The following PALM2AKAP2 variants were observed in gnomAD, a reference collection of about 807,000 sequenced individuals.
PALM2AKAP2 encodes the protein PALM2 and AKAP2 fusion, also known as PALM2-AKAP2 fusion protein.
In PALM2AKAP2, 37 loss-of-function variants were observed where a neutral mutation model predicts 71.5. The ratio of observed to expected loss-of-function variants is 0.52; its 90% CI spans 0.40 to 0.68. PALM2AKAP2 has a LOEUF of 0.68. PALM2AKAP2 is among the 30% of genes least tolerant of loss of function. The probability of loss-of-function intolerance (pLI) is 0.00; values close to 1 mark genes in which losing one functional copy is unlikely to be tolerated. For missense variants in PALM2AKAP2, 1,224 were observed against 1,191.8 expected, an observed-to-expected ratio of 1.03 and a Z score of -0.40; for synonymous variants, 468 against 478.8, an observed-to-expected ratio of 0.98 and a Z score of 0.29.
intron 6 of PALM2AKAP2, among the ~76,000 whole-genome samples, chr9:110,002,073 G>T (rs1832691672): frequency 6.6e-6 from 1 of 152,196 alleles, no homozygotes; most frequent in African/African-American, 2.4e-5. Flanking sequence ...TGATGAGAGA[G>T]GGCATCCCTG....
chr9:110,098,153 A>G (rs1588108170), intron 1 of PALM2AKAP2, among the ~76,000 whole-genome samples: 1 of 122,406 alleles, frequency 8.2e-6, no homozygotes, highest in African/African-American at 4.0e-5. Flanking sequence ...AGACAGTGGA[A>G]AGAGGGGAGA....
intron 3 of PALM2AKAP2, among the ~76,000 whole-genome samples, chr9:109,880,904 GT>G (rs991251788): frequency 1.3e-5 from 2 of 152,102 alleles, no homozygotes; most frequent in Admixed American, 6.6e-5. Context: ...TTTATTTTAA[GT>G]TTAGGGGTAC....
intron 1 of PALM2AKAP2, among the ~76,000 whole-genome samples, chr9:109,762,852 A>C (rs1829079565): frequency 6.6e-6 from 1 of 152,122 alleles, no homozygotes. Context: ...CCTCCTTCCC[A>C]TTCCCCAGGG....
intron 6 of PALM2AKAP2, among the ~76,000 whole-genome samples, chr9:109,941,151 T>C (rs980899372): frequency 3.9e-4 from 58 of 148,238 alleles, no homozygotes; most frequent in South Asian, 1.9e-3. Flanking sequence ...TCTTCTTTTT[T>C]TTTTTTTTTT....
At chr9:109,820,737 G>C (rs2131488101) in intron 1 of PALM2AKAP2, among the ~76,000 whole-genome samples, 1 of 152,308 alleles carries the variant, frequency 6.6e-6, no homozygotes, top group South Asian at 2.1e-4. Flanking sequence ...AGAATCCATG[G>C]GTTGACTGGA....
chr9:110,101,391 TA>T (rs985026234), intron 1 of PALM2AKAP2, among the ~76,000 whole-genome samples: 44 of 143,284 alleles, frequency 3.1e-4, no homozygotes, highest in African/African-American at 1.2e-3. Flanking sequence ...TGCTGGGAGT[TA>T]ATCTCTCTCC....
chr9:109,932,744 C>T lies in PALM2AKAP2; in HGVS notation c.496+716C>T, dbSNP rs866203032. ...CCCTTATGATCTACACAGAAATGTGCTGAGGGCTGGGGGTTAAATGGAAAA... is the reference window on the plus strand; with the variant it reads ...CCCTTATGATCTACACAGAAATGTGTTGAGGGCTGGGGGTTAAATGGAAAA... On this transcript the variant is annotated intron_variant, in intron 6 of 9. Transcript: ENST00000302798. Among the ~76,000 whole-genome samples, 4 of 152,314 alleles carry T rather than the reference C, an allele frequency of 2.6e-5. No individual in the cohort carries two copies. The Middle Eastern group carries it at 0.01, about 389-fold the overall frequency.
At chr9:109,693,530 G>A (rs1827927591) in intron 1 of PALM2AKAP2, among the ~76,000 whole-genome samples, 1 of 151,762 alleles carries the variant, frequency 6.6e-6, no homozygotes, top group Non-Finnish European at 1.5e-5. Context: ...GTCCCGTAAG[G>A]TGGAAGATTA....
chr9:109,988,066 A>C (rs961805956), intron 6 of PALM2AKAP2, among the ~76,000 whole-genome samples: 1 of 152,208 alleles, frequency 6.6e-6, no homozygotes, highest in African/African-American at 2.4e-5. Flanking sequence ...TTTCTGCTAC[A>C]TGTCCTTTGA....
intron 1 of PALM2AKAP2, among the ~76,000 whole-genome samples, chr9:109,709,660 G>C (rs1404291106): frequency 6.6e-6 from 1 of 152,128 alleles, no homozygotes; most frequent in Non-Finnish European, 1.5e-5. Flanking sequence ...TGGGTTAAAG[G>C]CTTTGGTAGC....
At chr9:109,918,368 C>T (rs1462347088) in intron 3 of PALM2AKAP2, among the ~76,000 whole-genome samples, 2 of 152,140 alleles carry the variant, frequency 1.3e-5, no homozygotes, top group Admixed American at 6.5e-5. Context: ...TGATTGCAAC[C>T]TCATCTCCAG....
At chr9:109,779,048 G>C (rs1409828740), upstream of PALM2AKAP2, among the ~76,000 whole-genome samples, 4 of 152,188 alleles carry the variant, frequency 2.6e-5, no homozygotes. Context: ...GGGATTACAG[G>C]TGTGAGCCAC....
intron 6 of PALM2AKAP2, among the ~76,000 whole-genome samples, chr9:109,980,667 G>C (rs1301861184): frequency 6.6e-6 from 1 of 152,186 alleles, no homozygotes; most frequent in Non-Finnish European, 1.5e-5. Flanking sequence ...ATCAGGGCCT[G>C]GAAACCTACA....
At chr9:109,927,973 G>T (rs1456716361) in intron 5 of PALM2AKAP2, among the ~76,000 whole-genome samples, 4 of 152,246 alleles carry the variant, frequency 2.6e-5, no homozygotes, top group Non-Finnish European at 5.9e-5. Flanking sequence ...CTTGGTGTAT[G>T]ATATGGATCT....
intron 6 of PALM2AKAP2, among the ~76,000 whole-genome samples, chr9:109,998,805 G>A (rs977762645): frequency 4.0e-5 from 6 of 150,242 alleles, no homozygotes; most frequent in African/African-American, 7.4e-5. Context: ...CATTCTAGCT[G>A]CCCAATGTGC....
chr9:109,883,036 T>C (rs796146022), intron 3 of PALM2AKAP2, among the ~76,000 whole-genome samples: 4 of 152,298 alleles, frequency 2.6e-5, no homozygotes, highest in African/African-American at 9.6e-5. Flanking sequence ...AATATGTTGT[T>C]ATTATGGTCC....
At chr9:109,838,039 C>T (rs12683560) in intron 1 of PALM2AKAP2, among the ~76,000 whole-genome samples, 16,416 of 146,284 alleles carry the variant, frequency 0.11, 1,309 homozygotes, top group East Asian at 0.39. Context: ...TAATAGACAT[C>T]TACAGAACTC....
intron 1 of PALM2AKAP2, among the ~76,000 whole-genome samples, chr9:109,710,251 T>C (rs1828212017): frequency 6.6e-6 from 1 of 152,238 alleles, no homozygotes; most frequent in Non-Finnish European, 1.5e-5. Flanking sequence ...TGGTAATTTG[T>C]TAAAGCAGAC....
Position 109,820,237 on chromosome 9 carries a change from T to C in PALM2AKAP2, c.45+39704T>C, listed in dbSNP as rs920570172. Among the ~76,000 whole-genome samples, 47 of 152,248 alleles carry C rather than the reference T, an allele frequency of 3.1e-4. 1 individual carries two copies. The highest frequency in any genetic ancestry group is 1.1e-3 in the African/African-American group (47 of 41,466). Reference sequence around the variant, plus strand: ...TTTTTGAAAGTTAATTTATGCCATCTGGAGGCAAACATGCCAATGTGATTG... The same window carrying C: ...TTTTTGAAAGTTAATTTATGCCATCCGGAGGCAAACATGCCAATGTGATTG... On this transcript the variant is annotated intron_variant, in intron 1 of 9. Transcript: ENST00000302798.
Sources: gnomAD v4.1 joint callset for allele counts (sites outside exome capture counted in the v4.1 genomes callset) on GRCh38, gnomAD v4.1.1 for gene constraint, MANE v1.5 for transcripts, NCBI Gene and HGNC (gene_info 2026-07-23, HGNC 2026-07-21) for gene names.